The following COL11A1 variants were observed in gnomAD, a reference collection of about 807,000 sequenced individuals.
COL11A1 encodes the protein collagen alpha-1(XI) chain.
In COL11A1, 74 loss-of-function variants were observed where a neutral mutation model predicts 265.2. That is an observed-to-expected ratio of 0.28 (90% CI 0.23 to 0.34). The LOEUF (loss-of-function observed/expected upper bound fraction) is 0.34, where lower values mean the gene tolerates loss of function less well. Ranked by LOEUF, COL11A1 falls within the 10% of genes least tolerant of loss-of-function variation. The pLI, the probability that COL11A1 is intolerant of heterozygous loss-of-function variation, is 1.00. For synonymous variants in COL11A1, 816 were observed against 727.6 expected, an observed-to-expected ratio of 1.12 and a Z score of -1.96; for missense variants, 2,165 against 2,263.6, an observed-to-expected ratio of 0.96 and a Z score of 0.88.
intron 10 of COL11A1, among the ~76,000 whole-genome samples, chr1:103,018,356 G>A (rs1666729947): frequency 6.6e-6 from 1 of 152,026 alleles, no homozygotes; most frequent in South Asian, 2.1e-4. Context: ...TTTATTACAA[G>A]GTCTTATCAG....
chr1:103,046,892 G>T (rs1355495759), intron 4 of COL11A1, among the ~76,000 whole-genome samples: 1 of 151,932 alleles, frequency 6.6e-6, no homozygotes, highest in Non-Finnish European at 1.5e-5. Context: ...TTTTTGTCAG[G>T]TTTGTCAAAG....
intron 10 of COL11A1, 104 bp from the exon 11 acceptor site, chr1:103,017,986 T>C: frequency 1.0e-6 from 1 of 972,316 alleles, no homozygotes; most frequent in Non-Finnish European, 1.6e-6. Context: ...TTTATAAATA[T>C]ACACTAGAGT....
At chr1:103,025,664 T>C (rs375764549) in intron 6 of COL11A1, 51 bp from the exon 7 acceptor site, 154 of 1,576,060 alleles carry the variant, frequency 9.8e-5, no homozygotes, top group Non-Finnish European at 1.2e-4. Flanking sequence ...TGATCCCAAA[T>C]GTATGGAAAT....
intron 4 of COL11A1, among the ~76,000 whole-genome samples, chr1:103,042,035 T>C (rs541010227): frequency 4.6e-5 from 7 of 152,048 alleles, no homozygotes; most frequent in South Asian, 2.1e-4. Flanking sequence ...ATAAATAAGA[T>C]AGTAATTATA....
At chr1:103,106,905 G>T (rs189545839) in intron 1 of COL11A1, among the ~76,000 whole-genome samples, 1 of 152,144 alleles carries the variant, frequency 6.6e-6, no homozygotes, top group Non-Finnish European at 1.5e-5. Flanking sequence ...TAAAGCCTAC[G>T]CATTTGGGCT....
chr1:103,045,578 C>T (rs1669181117), intron 4 of COL11A1, among the ~76,000 whole-genome samples: 1 of 151,934 alleles, frequency 6.6e-6, no homozygotes. Context: ...AAAAAACTTA[C>T]TTAAACAATA....
intron 66 of COL11A1, among the ~76,000 whole-genome samples, chr1:102,878,978 T>C (rs1174406186): frequency 1.3e-5 from 2 of 152,174 alleles, no homozygotes; most frequent in Non-Finnish European, 2.9e-5. Context: ...ATAAACTATA[T>C]TGGAAAAGCT....
intron 48 of COL11A1, among the ~76,000 whole-genome samples, 185 bp downstream of exon 48, chr1:102,921,333 G>T (rs888747971): frequency 6.6e-6 from 1 of 152,080 alleles, no homozygotes. Flanking sequence ...TCCATGATTT[G>T]TTCACTATAA....
At chr1:102,987,326 C>T (rs1242068881) in intron 30 of COL11A1, among the ~76,000 whole-genome samples, 2 of 148,346 alleles carry the variant, frequency 1.3e-5, no homozygotes, top group African/African-American at 4.9e-5. Flanking sequence ...TTATATTTTG[C>T]TTTAGTGTAT....
intron 53 of COL11A1, 44 bp from the exon 54 acceptor site, chr1:102,912,256 T>A: frequency 2.6e-6 from 4 of 1,516,038 alleles, no homozygotes; most frequent in Non-Finnish European, 3.6e-6. Context: ...TGGATATTAT[T>A]TTGTGGCCCA....
intron 40 of COL11A1, 68 bp downstream of exon 40, chr1:102,962,108 T>A: frequency 7.6e-7 from 1 of 1,317,140 alleles, no homozygotes. Context: ...CTTCTTAAGT[T>A]CTGAGAAAAA....
chr1:103,004,364 A>G (rs1424977620), intron 20 of COL11A1, 80 bp downstream of exon 20: 25 of 1,046,380 alleles, frequency 2.4e-5, no homozygotes, highest in Non-Finnish European at 3.7e-5. Context: ...TGGGTTTATC[A>G]TTGTTTTTAT....
intron 4 of COL11A1, among the ~76,000 whole-genome samples, chr1:103,064,689 C>CAAA (rs35774967): frequency 4.7e-5 from 2 of 42,796 alleles, no homozygotes; most frequent in Admixed American, 2.5e-4. Flanking sequence ...GACTCCATCT[C>CAAA]AAAAAAAAAA....
At chr1:103,097,039 A>T (rs935700703) in intron 1 of COL11A1, among the ~76,000 whole-genome samples, 3 of 152,000 alleles carry the variant, frequency 2.0e-5, no homozygotes, top group African/African-American at 7.2e-5. Flanking sequence ...GAGAACCCCA[A>T]GTGATTTGAC....
intron 1 of COL11A1, among the ~76,000 whole-genome samples, chr1:103,095,681 C>T (rs1193070937): frequency 5.9e-5 from 9 of 151,918 alleles, no homozygotes; most frequent in African/African-American, 2.2e-4. Flanking sequence ...GCTCTCTTTC[C>T]TGCTCAGGTC....
chr1:102,930,144 G>T (rs1022403300), intron 46 of COL11A1, among the ~76,000 whole-genome samples: 5 of 152,146 alleles, frequency 3.3e-5, no homozygotes, highest in Admixed American at 3.3e-4. Context: ...TAGGAGTGGT[G>T]AGAGAAGGCA....
At chr1:102,911,426 G>A (rs536154527) in intron 54 of COL11A1, among the ~76,000 whole-genome samples, 1 of 152,232 alleles carries the variant, frequency 6.6e-6, no homozygotes, top group African/African-American at 2.4e-5. Context: ...ACTGAAGAGG[G>A]AATCAGCCTC....
chr1:102,922,424 T>A (rs1029839405), intron 47 of COL11A1, among the ~76,000 whole-genome samples: 3 of 152,076 alleles, frequency 2.0e-5, no homozygotes, highest in Non-Finnish European at 4.4e-5. Flanking sequence ...TGAGACGGAG[T>A]CTTGCTCTGT....
intron 42 of COL11A1, among the ~76,000 whole-genome samples, chr1:102,943,040 G>T (rs546015824): frequency 2.0e-5 from 3 of 152,150 alleles, no homozygotes; most frequent in Admixed American, 2.0e-4. Context: ...TTGTCTTCAA[G>T]CAGGCAACTT....
Sources: allele counts gnomAD v4.1 joint callset (sites outside exome capture counted in the v4.1 genomes callset), GRCh38; gene constraint gnomAD v4.1.1; transcripts MANE v1.5; gene names NCBI Gene and HGNC (gene_info 2026-07-23, HGNC 2026-07-21).